SMCHD1: variants seen among roughly 807,000 people sequenced by gnomAD.
SMCHD1 encodes the protein structural maintenance of chromosomes flexible hinge domain-containing protein 1.
A neutral mutation model predicts 254.7 loss-of-function variants in SMCHD1; 78 were observed. The observed-to-expected ratio is 0.31, with a 90% CI of 0.26 to 0.37. The LOEUF (loss-of-function observed/expected upper bound fraction) is 0.37. SMCHD1 is among the 10% of genes least tolerant of loss of function. The pLI, the probability that SMCHD1 is intolerant of heterozygous loss-of-function variation, is 1.00. For synonymous variants in SMCHD1, 766 were observed against 794.9 expected, an observed-to-expected ratio of 0.96 and a Z score of 0.61; for missense variants, 1,840 against 2,408.1, an observed-to-expected ratio of 0.76 and a Z score of 4.94.
chr18:2,736,838 T>G (rs1314617115), intron 25 of SMCHD1, among the ~76,000 whole-genome samples: 1 of 152,214 alleles, frequency 6.6e-6, no homozygotes. Flanking sequence ...GAGAGCAGTT[T>G]GGAGATTTCT....
intron 22 of SMCHD1, among the ~76,000 whole-genome samples, chr18:2,727,699 G>T (rs1307623894): frequency 6.6e-6 from 1 of 151,910 alleles, no homozygotes; most frequent in African/African-American, 2.4e-5. Context: ...GTAAAATGGG[G>T]ATGATGATAA....
At chr18:2,758,782 G>C (rs2075728900) in intron 34 of SMCHD1, among the ~76,000 whole-genome samples, 1 of 151,870 alleles carries the variant, frequency 6.6e-6, no homozygotes. Context: ...TGGTTATTTT[G>C]TGGTTGGTTC....
intron 28 of SMCHD1, among the ~76,000 whole-genome samples, chr18:2,742,956 G>A (rs2075379453): frequency 6.6e-6 from 1 of 152,146 alleles, no homozygotes; most frequent in African/African-American, 2.4e-5. Context: ...TTATAGTCAG[G>A]AGCCACTGTG....
chr18:2,801,879 A>C (rs1436072947), intron 47 of SMCHD1, among the ~76,000 whole-genome samples: 1 of 152,142 alleles, frequency 6.6e-6, no homozygotes, highest in Non-Finnish European at 1.5e-5. Flanking sequence ...AATTCATTAG[A>C]TATGCTTAGC....
chr18:2,795,935 T>C lies in SMCHD1; in HGVS notation c.5720-14T>C, dbSNP rs2090941974. On this transcript the variant is annotated splice_polypyrimidine_tract_variant and intron_variant, in intron 45 of 47. Coordinates refer to ENST00000320876, the MANE Select transcript of SMCHD1 (RefSeq NM_015295.3). Reference sequence around the variant, plus strand: ...TAGCAGTAATTTAATCAAATGCATTTGGTTTCTTTACAGATCTTCTTCAGC... The same window carrying C: ...TAGCAGTAATTTAATCAAATGCATTCGGTTTCTTTACAGATCTTCTTCAGC... 6.4e-7 allele frequency: 1 copy of C among 1,559,162 alleles called. No homozygotes were observed. Among genetic ancestry groups the C allele is most frequent in the Non-Finnish European group, 8.7e-7 (1 of 1,152,116 alleles).
Position 2,804,059 on chromosome 18 carries a change from A to G in SMCHD1, c.*1507A>G, listed in dbSNP as rs1241263829. 6.6e-6 allele frequency: 1 copy of G among 152,190 alleles called. No individual in the cohort carries two copies. The highest frequency in any genetic ancestry group is 1.9e-4 in the East Asian group (1 of 5,202). The allele number at this position is 152,190 out of a possible 1,614,324, so 9.4% of individuals were successfully genotyped here. ...GATTAGGGATACTCACCCCGTACCAATATTTGGAGTCCTTAGACATTAGAT... is the reference window on the plus strand; with the variant it reads ...GATTAGGGATACTCACCCCGTACCAGTATTTGGAGTCCTTAGACATTAGAT... On this transcript the variant is annotated 3_prime_UTR_variant, in exon 48 of 48. Coordinates refer to ENST00000320876, the MANE Select transcript of SMCHD1 (RefSeq NM_015295.3).
At position 2,697,106 on chromosome 18, in the gene SMCHD1, A is replaced by G. The variant is rs1429795488; in HGVS notation, c.1115A>G (p.Asn372Ser). ...IRTSKEVEPF[N>S]NIDIEISMFE... is the part of the protein sequence containing the mutation. Reference sequence around the variant, plus strand: ...ACATCAAAAGAAGTTGAACCTTTCAACAATATTGATATTGAAGTAAGAGAA... The same window carrying G: ...ACATCAAAAGAAGTTGAACCTTTCAGCAATATTGATATTGAAGTAAGAGAA... Residue 372 changes from asparagine (N) to serine (S), a missense_variant, in exon 9 of 48, where the codon AAC (asparagine) becomes AGC (serine). Asn to Ser is a conservative substitution (Grantham distance 46, BLOSUM62 1). Transcript: ENST00000320876. 25 of 1,472,016 alleles carry G rather than the reference A, an allele frequency of 1.7e-5. No homozygotes were observed. Among genetic ancestry groups the G allele is most frequent in the Non-Finnish European group, 2.0e-5 (22 of 1,094,458 alleles). The allele number at this position is 1,472,016 out of a possible 1,614,324, so 91.2% of individuals were successfully genotyped here. A position where few individuals can be genotyped will look rare whatever the true frequency, so the allele number is the denominator to read the frequency against.
chr18:2,764,367 T>G (rs529767043), intron 37 of SMCHD1, among the ~76,000 whole-genome samples: 5 of 152,300 alleles, frequency 3.3e-5, no homozygotes, highest in African/African-American at 1.2e-4. Flanking sequence ...AATAGAATTG[T>G]GCCTTTATAA....
chr18:2,797,872 G>A (rs937447982), intron 47 of SMCHD1, among the ~76,000 whole-genome samples: 4 of 151,902 alleles, frequency 2.6e-5, no homozygotes, highest in Admixed American at 6.6e-5. Context: ...AGCTGAGATC[G>A]CACCATTGCA....
chr18:2,679,385 A>G (rs1598302795), intron 5 of SMCHD1, among the ~76,000 whole-genome samples: 1 of 146,428 alleles, frequency 6.8e-6, no homozygotes, highest in Admixed American at 6.9e-5. Flanking sequence ...TTGAGGCAGG[A>G]GAATGGCGTG....
chr18:2,656,837 A>G lies in SMCHD1; in HGVS notation c.186+576A>G, dbSNP rs944216716. On this transcript the variant is annotated intron_variant, in intron 1 of 47. Coordinates refer to ENST00000320876, the MANE Select transcript of SMCHD1 (RefSeq NM_015295.3). ...CCGCACGGAGACACTTGTCCAGGTC[A>G]GCTCTGCAGGTAGAGCTGGCCTTCT... Among the ~76,000 whole-genome samples the G allele has an allele frequency of 3.2e-4, 49 of 152,178 alleles. 1 individual carries two copies. The highest frequency in any genetic ancestry group is 3.0e-3 in the Admixed American group (46 of 15,280).
Position 2,739,465 on chromosome 18 carries a change from TGA to T in SMCHD1, c.3460_3461del (p.Glu1154AsnfsTer48). 6.2e-7 allele frequency: 1 copy of T among 1,613,146 alleles called. No individual in the cohort carries two copies. Among genetic ancestry groups the T allele is most frequent in the South Asian group, 1.1e-5 (1 of 91,072 alleles). On this transcript the variant is annotated frameshift_variant, in exon 27 of 48. Transcript: ENST00000320876. LOFTEE classifies it high-confidence loss of function. ...CTGATGAACCTAAACATTTAAAATG[TGA>T]AATGAAAGGAGGAAAAACAGTACAG... ...LPDEPKHLKC[E>X]MKGGKTVQMG... is the part of the protein sequence containing the mutation.
At chr18:2,796,247 G>C (rs2076261727) in intron 46 of SMCHD1, 140 bp downstream of exon 46, 1 of 894,640 alleles carries the variant, frequency 1.1e-6, no homozygotes, top group Non-Finnish European at 1.7e-6. Context: ...AGTCCTATCT[G>C]ATAAATGGTT....
At chr18:2,698,822 G>T (rs1409896321) in intron 10 of SMCHD1, among the ~76,000 whole-genome samples, 1 of 150,114 alleles carries the variant, frequency 6.7e-6, no homozygotes, top group Non-Finnish European at 1.5e-5. Context: ...AAGTACATAG[G>T]TCTAGATTCT....
chr18:2,716,311 C>T lies in SMCHD1; in HGVS notation c.2261-1847C>T, dbSNP rs147791242. On this transcript the variant is annotated intron_variant, in intron 17 of 47. Coordinates refer to ENST00000320876, the MANE Select transcript of SMCHD1 (RefSeq NM_015295.3). ...GTAGAGGTGGTGCAGAGCTTGTCTC[C>T]TTCCTGAGCACTGCACAATTGTTTT... Among the ~76,000 whole-genome samples, 362 of 152,320 alleles carry T rather than the reference C, an allele frequency of 2.4e-3. 3 individuals are homozygous for T. The highest frequency in any genetic ancestry group is 7.9e-3 in the African/African-American group (329 of 41,556).
Position 2,656,249 on chromosome 18 carries a change from G to C in SMCHD1, c.174G>C (p.Ala58=), listed in dbSNP as rs2430853. 838,038 of 1,489,176 alleles carry C rather than the reference G, an allele frequency of 0.56. 241,052 individuals are homozygous for C. The highest frequency in any genetic ancestry group is 0.86 in the African/African-American group (58,111 of 67,700). The allele number at this position is 1,489,176 out of a possible 1,614,324, so 92.2% of individuals were successfully genotyped here. The change falls in exon 1 of 48, where the codon GCG becomes GCC. Residue 58 remains alanine, a synonymous_variant. Coordinates refer to ENST00000320876, the MANE Select transcript of SMCHD1 (RefSeq NM_015295.3). ...GCTCGGACTACGCGGGATTTCGCGC[G>C]TGTGTGTGTCAGGTACGCGAAGGGG... ...GERSDYAGFR[A]CVCQTLGISP...
chr18:2,703,189 G>A lies in SMCHD1; in HGVS notation c.1648-503G>A, dbSNP rs181992101. 2.6e-5 allele frequency among the ~76,000 whole-genome samples: 4 copies of A among 152,150 alleles called. No homozygotes were observed. In the East Asian group the frequency reaches 5.8e-4, roughly 22 times the overall value. ...ATCACCCTCATAAGGAGTCTTTCTT[G>A]GCATCTTTTTCTCAATTGTTTTCCC... On this transcript the variant is annotated intron_variant, in intron 12 of 47. Transcript: ENST00000320876.
intron 27 of SMCHD1, among the ~76,000 whole-genome samples, chr18:2,740,091 A>G (rs955590389): frequency 6.6e-6 from 1 of 150,544 alleles, no homozygotes. Context: ...CCTAGCCCCG[A>G]CTCCCCGACA....
chr18:2,698,712 A>G lies in SMCHD1; in HGVS notation c.1342+671A>G, dbSNP rs542774556. ...CCAGTAGAGAGATAGGGATTTAACA[A>G]TTATTTTCTATGTGGTATTCATATT... On this transcript the variant is annotated intron_variant, in intron 10 of 47. Transcript: ENST00000320876. 2.6e-5 allele frequency among the ~76,000 whole-genome samples: 4 copies of G among 151,456 alleles called. No homozygotes were observed. In the East Asian group the frequency reaches 5.8e-4, roughly 22 times the overall value.
Sources: allele counts gnomAD v4.1 joint callset (sites outside exome capture counted in the v4.1 genomes callset), GRCh38; gene constraint gnomAD v4.1.1; transcripts MANE v1.5; gene names NCBI Gene and HGNC (gene_info 2026-07-23, HGNC 2026-07-21).